SNX29: variants seen among roughly 807,000 people sequenced by gnomAD.
The protein encoded by SNX29 is sorting nexin-29.
Under a neutral mutation model 102.1 loss-of-function variants are expected in SNX29, and 78 were observed. That is an observed-to-expected ratio of 0.76 (90% CI 0.64 to 0.92). The LOEUF is 0.92. SNX29 is among the 40% of genes least tolerant of loss of function. The probability of loss-of-function intolerance (pLI) is 0.00; values close to 1 mark genes in which losing one functional copy is unlikely to be tolerated. For synonymous variants in SNX29, 580 were observed against 414.5 expected, an observed-to-expected ratio of 1.40 and a Z score of -4.85; for missense variants, 1,280 against 1,061.7, an observed-to-expected ratio of 1.21 and a Z score of -2.86.
chr16:12,420,077 C>T (rs1278243907), intron 18 of SNX29, among the ~76,000 whole-genome samples: 2 of 152,192 alleles, frequency 1.3e-5, no homozygotes, highest in Admixed American at 6.5e-5. Context: ...TTCTGGGTTA[C>T]AAGGGGTCCC....
intron 16 of SNX29, among the ~76,000 whole-genome samples, chr16:12,378,437 G>T (rs1203747931): frequency 1.3e-5 from 2 of 152,178 alleles, no homozygotes; most frequent in East Asian, 1.9e-4. Context: ...ATTACCTGAG[G>T]TCAGGAGTTC....
intron 15 of SNX29, among the ~76,000 whole-genome samples, chr16:12,310,525 A>T (rs557939267): frequency 1.3e-5 from 2 of 152,208 alleles, no homozygotes; most frequent in Non-Finnish European, 2.9e-5. Flanking sequence ...GTGAAAAAAA[A>T]AAAAGACCAT....
chr16:12,295,429 G>C (rs941659992), intron 15 of SNX29, among the ~76,000 whole-genome samples: 14 of 152,164 alleles, frequency 9.2e-5, no homozygotes, highest in African/African-American at 3.4e-4. Flanking sequence ...TTTTGTTTTT[G>C]AGAAAACAAC....
At chr16:12,387,691 G>A (rs978575522) in intron 16 of SNX29, among the ~76,000 whole-genome samples, 5 of 152,122 alleles carry the variant, frequency 3.3e-5, no homozygotes, top group Non-Finnish European at 7.4e-5. Context: ...AAGATTTTCT[G>A]TTAATAAGTG....
intron 19 of SNX29, among the ~76,000 whole-genome samples, chr16:12,484,404 C>G (rs1249621075): frequency 7.9e-5 from 12 of 152,290 alleles, no homozygotes; most frequent in Non-Finnish European, 2.9e-5. Context: ...TCCCTGTAGC[C>G]TATTTTCCAC....
At chr16:12,008,916 A>G (rs2056551258) in intron 3 of SNX29, among the ~76,000 whole-genome samples, 1 of 151,244 alleles carries the variant, frequency 6.6e-6, no homozygotes, top group African/African-American at 2.4e-5. Flanking sequence ...TAATTTTTGT[A>G]TTTTTAGTAG....
intron 18 of SNX29, among the ~76,000 whole-genome samples, chr16:12,428,505 A>G (rs781136231): frequency 2.6e-5 from 4 of 152,268 alleles, no homozygotes; most frequent in Non-Finnish European, 4.4e-5. Context: ...AAGGACTCAC[A>G]TAGATACAGT....
chr16:12,558,536 C>T (rs928827279), intron 20 of SNX29, among the ~76,000 whole-genome samples: 1 of 152,196 alleles, frequency 6.6e-6, no homozygotes, highest in Non-Finnish European at 1.5e-5. Flanking sequence ...ATGCACACAC[C>T]CCACAGTGCC....
At chr16:12,080,892 C>T (rs183847505) in intron 11 of SNX29, among the ~76,000 whole-genome samples, 129 of 151,294 alleles carry the variant, frequency 8.5e-4, no homozygotes, top group Non-Finnish European at 1.3e-3. Context: ...CCATGTTGGC[C>T]GGGCTGGTCT....
At chr16:12,319,984 T>G (rs2080877206) in intron 15 of SNX29, among the ~76,000 whole-genome samples, 1 of 152,128 alleles carries the variant, frequency 6.6e-6, no homozygotes, top group African/African-American at 2.4e-5. Flanking sequence ...CAGGAAGCCT[T>G]GCCTGACAGC....
rs758338527 is a variant in SNX29 at position 12,387,895 on chromosome 16, C to CT, written c.1900-10550dup. Among the ~76,000 whole-genome samples the CT allele has an allele frequency of 4.6e-5, 7 of 152,284 alleles. No homozygotes were observed. The East Asian group carries it at 5.8e-4, about 13-fold the overall frequency. On this transcript the variant is annotated intron_variant, in intron 16 of 20. Coordinates refer to ENST00000566228, the MANE Select transcript of SNX29 (RefSeq NM_032167.5). ...TCTTGTGACTGGTGGAAATTAAACTCTAAGGAAGAACCCTGGAAGAAACAT... is the reference window on the plus strand; with the variant it reads ...TCTTGTGACTGGTGGAAATTAAACTCTTAAGGAAGAACCCTGGAAGAAACAT...
intron 9 of SNX29, among the ~76,000 whole-genome samples, chr16:12,063,389 T>C (rs1210536867): frequency 4.5e-5 from 6 of 133,864 alleles, no homozygotes; most frequent in African/African-American, 1.8e-4. Flanking sequence ...TTTTTTTTTT[T>C]TTTGAGGTGG....
At chr16:12,131,468 G>A (rs1029017303) in intron 13 of SNX29, among the ~76,000 whole-genome samples, 1 of 152,068 alleles carries the variant, frequency 6.6e-6, no homozygotes, top group East Asian at 1.9e-4. Flanking sequence ...GAGTGCAAAA[G>A]CAGCTTTTAT....
chr16:12,088,373 A>T (rs1308878538), intron 11 of SNX29, among the ~76,000 whole-genome samples: 1 of 152,046 alleles, frequency 6.6e-6, no homozygotes, highest in African/African-American at 2.4e-5. Flanking sequence ...CTTTTAGGAC[A>T]TGGGTGCTGA....
In SNX29 at chr16:12,209,000, A is replaced by G. The variant is rs149181449; in HGVS notation, c.1678+9317A>G. On this transcript the variant is annotated intron_variant, in intron 14 of 20. Coordinates refer to ENST00000566228, the MANE Select transcript of SNX29 (RefSeq NM_032167.5). ...ACGGGTACATTGTGGTGTCATTTACATTGGAGGCACCAGTTGCGATAGAGG... is the reference window on the plus strand; with the variant it reads ...ACGGGTACATTGTGGTGTCATTTACGTTGGAGGCACCAGTTGCGATAGAGG... 2.9e-3 allele frequency among the ~76,000 whole-genome samples: 440 copies of G among 152,294 alleles called. 2 individuals carry two copies. Among genetic ancestry groups the G allele is most frequent in the Non-Finnish European group, 5.1e-3 (350 of 68,038 alleles).
chr16:12,343,230 A>C (rs1238787432), intron 15 of SNX29, among the ~76,000 whole-genome samples: 1 of 152,240 alleles, frequency 6.6e-6, no homozygotes, highest in Non-Finnish European at 1.5e-5. Context: ...CTTTATGTGA[A>C]AGCCTGTGCT....
chr16:12,198,570 G>T (rs374847002), intron 13 of SNX29, among the ~76,000 whole-genome samples: 1 of 152,142 alleles, frequency 6.6e-6, no homozygotes, highest in Non-Finnish European at 1.5e-5. Context: ...TGAGGTGTAG[G>T]GGGTGGGGCA....
intron 14 of SNX29, among the ~76,000 whole-genome samples, chr16:12,235,058 A>G (rs2077884489): frequency 1.3e-5 from 2 of 150,476 alleles, no homozygotes; most frequent in Non-Finnish European, 3.0e-5. Flanking sequence ...TTCTCTTGGA[A>G]TCTGTCTCTG....
intron 15 of SNX29, among the ~76,000 whole-genome samples, chr16:12,317,354 CCTT>C (rs1002584445): frequency 2.0e-5 from 3 of 152,196 alleles, no homozygotes; most frequent in Non-Finnish European, 2.9e-5. Context: ...TTCTGTGTGT[CCTT>C]CTCTGTCTTG....
Sources: allele counts gnomAD v4.1 joint callset (sites outside exome capture counted in the v4.1 genomes callset), GRCh38; gene constraint gnomAD v4.1.1; transcripts MANE v1.5; gene names NCBI Gene and HGNC (gene_info 2026-07-23, HGNC 2026-07-21).